Variants in ZBTB20 observed in about 807,000 individuals in gnomAD.
ZBTB20 encodes the protein zinc finger and BTB domain containing 20.
Under a neutral mutation model 56.9 loss-of-function variants are expected in ZBTB20, and 9 were observed. The ratio of observed to expected loss-of-function variants is 0.16; its 90% CI spans 0.10 to 0.28. The LOEUF (loss-of-function observed/expected upper bound fraction) is 0.28, where lower values mean the gene tolerates loss of function less well. Ranked by LOEUF, ZBTB20 falls within the 10% of genes least tolerant of loss-of-function variation. The pLI, the probability that ZBTB20 is intolerant of heterozygous loss-of-function variation, is 1.00. For missense variants in ZBTB20, 655 were observed against 1,003.0 expected, an observed-to-expected ratio of 0.65 and a Z score of 4.69; for synonymous variants, 417 against 420.7, an observed-to-expected ratio of 0.99 and a Z score of 0.11.
Position 114,337,483 on chromosome 3 carries a change from T to C in ZBTB20, c.*1522A>G, listed in dbSNP as rs1576213906. On this transcript the variant is annotated 3_prime_UTR_variant, in exon 12 of 12. Transcript: ENST00000675478. ...AAATTTTGGAGAAGCAAGCAATCTC[T>C]TTCTGAAAGATAAAGTCTCTTCCAT... 6.6e-6 allele frequency: 1 copy of C among 152,224 alleles called. No homozygotes were observed. Among genetic ancestry groups the C allele is most frequent in the Non-Finnish European group, 1.5e-5 (1 of 68,042 alleles). The allele number at this position is 152,224 out of a possible 1,614,324, so 9.4% of individuals were successfully genotyped here.
chr3:114,616,247 C>A (rs1047869238), intron 6 of ZBTB20, among the ~76,000 whole-genome samples: 5 of 152,182 alleles, frequency 3.3e-5, no homozygotes, highest in African/African-American at 1.2e-4. Context: ...CATACACATA[C>A]AAGCTTTAGA....
chr3:114,735,341 A>G (rs1018287173), intron 5 of ZBTB20, among the ~76,000 whole-genome samples: 4 of 152,108 alleles, frequency 2.6e-5, no homozygotes, highest in Non-Finnish European at 5.9e-5. Flanking sequence ...ATCAAATAAT[A>G]TATATGTATC....
rs35607205 is a variant in ZBTB20 at position 115,118,703 on chromosome 3, A to ATTTTTTTTTT, written c.-703+28506_-703+28515dup. Among the ~76,000 whole-genome samples the ATTTTTTTTTT allele has an allele frequency of 1.4e-3, 118 of 82,212 alleles. 6 individuals are homozygous for ATTTTTTTTTT. Among genetic ancestry groups the ATTTTTTTTTT allele is most frequent in the South Asian group, 2.7e-3 (5 of 1,886 alleles). 53.9% of individuals were successfully genotyped at this position (82,212 alleles called of 152,430 possible). A position where few individuals can be genotyped will look rare whatever the true frequency, so the allele number is the denominator to read the frequency against. On this transcript the variant is annotated intron_variant, in intron 1 of 11. Transcript: ENST00000675478. ...GGACCTAAAACTTTACCTGGTACAA[A>ATTTTTTTTTT]TTTTTTTTTTTTTTTTTTTTTTTTT...
At chr3:114,384,469 G>GA (rs547229153) in intron 8 of ZBTB20, among the ~76,000 whole-genome samples, 1,869 of 134,986 alleles carry the variant, frequency 0.014, 16 homozygotes, top group South Asian at 0.039. Context: ...TTCAAAAAAA[G>GA]AAAAAAAAAA....
intron 6 of ZBTB20, among the ~76,000 whole-genome samples, chr3:114,511,535 T>G (rs1023355353): frequency 2.0e-5 from 3 of 152,164 alleles, no homozygotes; most frequent in Non-Finnish European, 4.4e-5. Context: ...AGATCATATA[T>G]GTCTTATGTG....
intron 6 of ZBTB20, among the ~76,000 whole-genome samples, chr3:114,631,856 GGA>G (rs1315072198): frequency 6.6e-6 from 1 of 152,084 alleles, no homozygotes; most frequent in African/African-American, 2.4e-5. Flanking sequence ...TTACATATGG[GGA>G]GAGAGTATAT....
At chr3:114,906,903 T>C (rs1331498304) in intron 3 of ZBTB20, among the ~76,000 whole-genome samples, 1 of 151,900 alleles carries the variant, frequency 6.6e-6, no homozygotes, top group East Asian at 1.9e-4. Context: ...GATTTCAACA[T>C]GATACAAAAA....
At position 115,094,328 on chromosome 3, in the gene ZBTB20, A is replaced by C. The variant is rs184669993; in HGVS notation, c.-702-22914T>G. 7.7e-3 allele frequency among the ~76,000 whole-genome samples: 1,178 copies of C among 152,174 alleles called. 7 individuals carry two copies. Among genetic ancestry groups the C allele is most frequent in the Non-Finnish European group, 0.013 (856 of 67,934 alleles). ...GTCCAGTATTTAAGAAGAAAAAAAA[A>C]CAAAAAATTTATAAAGTCACCATTA... On this transcript the variant is annotated intron_variant, in intron 1 of 11. Transcript: ENST00000675478.
intron 2 of ZBTB20, among the ~76,000 whole-genome samples, chr3:115,017,073 G>A (rs1339946816): frequency 6.6e-6 from 1 of 151,564 alleles, no homozygotes; most frequent in African/African-American, 2.4e-5. Context: ...ATTCAAATAG[G>A]GAGAGAGGAA....
At chr3:114,372,381 C>T (rs547215681) in intron 10 of ZBTB20, among the ~76,000 whole-genome samples, 1 of 152,270 alleles carries the variant, frequency 6.6e-6, no homozygotes, top group South Asian at 2.1e-4. Flanking sequence ...GTAACTTGAG[C>T]CAATGGGCAT....
At chr3:114,602,768 C>G (rs182424914) in intron 6 of ZBTB20, among the ~76,000 whole-genome samples, 1 of 151,928 alleles carries the variant, frequency 6.6e-6, no homozygotes, top group Non-Finnish European at 1.5e-5. Context: ...AAACTCCCCC[C>G]AAAAACTCAT....
intron 6 of ZBTB20, among the ~76,000 whole-genome samples, chr3:114,655,338 C>T (rs1410946696): frequency 6.9e-6 from 1 of 145,018 alleles, no homozygotes; most frequent in Non-Finnish European, 1.5e-5. Flanking sequence ...CTGCAAGCTC[C>T]GCTTCCCGGG....
intron 6 of ZBTB20, among the ~76,000 whole-genome samples, chr3:114,602,116 T>C (rs910770019): frequency 6.6e-6 from 1 of 151,998 alleles, no homozygotes; most frequent in African/African-American, 2.4e-5. Flanking sequence ...AAGTTAATCA[T>C]CTCACATGAT....
At chr3:114,573,280 T>A (rs1183664630) in intron 6 of ZBTB20, among the ~76,000 whole-genome samples, 1 of 151,604 alleles carries the variant, frequency 6.6e-6, no homozygotes, top group Non-Finnish European at 1.5e-5. Flanking sequence ...GGCAACATGG[T>A]GAAACCCTGT....
chr3:114,779,948 T>G (rs1477032206), intron 5 of ZBTB20, among the ~76,000 whole-genome samples: 1 of 152,212 alleles, frequency 6.6e-6, no homozygotes, highest in East Asian at 1.9e-4. Flanking sequence ...ACAATTCCCC[T>G]CTACACAGGC....
chr3:115,100,033 C>G (rs1229406836), intron 1 of ZBTB20: 2 of 151,982 alleles, frequency 1.3e-5, no homozygotes, highest in African/African-American at 2.4e-5. Flanking sequence ...AAATTTTAAG[C>G]TAGCACTAGC....
intron 1 of ZBTB20, among the ~76,000 whole-genome samples, chr3:115,136,921 T>C (rs1458154299): frequency 6.6e-6 from 1 of 152,104 alleles, no homozygotes; most frequent in South Asian, 2.1e-4. Context: ...GACAGTGAGA[T>C]ACAAACAACA....
intron 2 of ZBTB20, among the ~76,000 whole-genome samples, chr3:114,988,021 T>A (rs971487840): frequency 6.6e-6 from 1 of 152,060 alleles, no homozygotes; most frequent in Non-Finnish European, 1.5e-5. Flanking sequence ...CGTCTTCTTT[T>A]TTTTTCTTTT....
At chr3:115,065,275 C>G (rs2082166663) in intron 2 of ZBTB20, among the ~76,000 whole-genome samples, 1 of 152,142 alleles carries the variant, frequency 6.6e-6, no homozygotes, top group East Asian at 1.9e-4. Context: ...GTATCTTCTG[C>G]TATCTCTCTG....
Sources: allele counts gnomAD v4.1 joint callset (sites outside exome capture counted in the v4.1 genomes callset), GRCh38; gene constraint gnomAD v4.1.1; transcripts MANE v1.5; gene names NCBI Gene and HGNC (gene_info 2026-07-23, HGNC 2026-07-21).